The following LINGO2 variants were observed in gnomAD, a reference collection of about 807,000 sequenced individuals.
LINGO2 encodes leucine-rich repeat and immunoglobulin-like domain-containing nogo receptor-interacting protein 2.
In LINGO2, 14 loss-of-function variants were observed where a neutral mutation model predicts 30.6. The observed-to-expected ratio is 0.46, with a 90% CI of 0.30 to 0.72. The LOEUF is 0.72. LINGO2 is among the 30% of genes least tolerant of loss of function. LINGO2 has a pLI of 0.07. For synonymous variants in LINGO2, 317 were observed against 288.5 expected (o/e 1.10, Z -1.00); for missense variants, 729 against 751.7 (o/e 0.97, Z 0.35).
chr9:27,996,648 T>C (rs1478758058), intron 5 of LINGO2, among the ~76,000 whole-genome samples: 2 of 152,144 alleles, frequency 1.3e-5, no homozygotes, highest in African/African-American at 4.8e-5. Flanking sequence ...GGTTAGTTAA[T>C]GGGTAATACA....
chr9:28,279,243 G>A (rs1823236310), intron 4 of LINGO2, among the ~76,000 whole-genome samples: 1 of 152,154 alleles, frequency 6.6e-6, no homozygotes, highest in Non-Finnish European at 1.5e-5. Context: ...AATGACAACA[G>A]AAGATTTAGA....
chr9:28,613,175 T>G (rs909948666), intron 1 of LINGO2, among the ~76,000 whole-genome samples: 1 of 152,156 alleles, frequency 6.6e-6, no homozygotes, highest in Admixed American at 6.5e-5. Context: ...CTTTTCTTTA[T>G]AAATTACACA....
the LINGO2 span, among the ~76,000 whole-genome samples, chr9:29,172,020 T>C: frequency 6.6e-6 from 1 of 151,906 alleles, no homozygotes; most frequent in African/African-American, 2.4e-5. Context: ...CTGATTTCTT[T>C]AAAATTAATA....
At chr9:28,797,351 T>TAGAGAGAA in the LINGO2 span, among the ~76,000 whole-genome samples, 1 of 62,508 alleles carries the variant, frequency 1.6e-5, no homozygotes, top group Admixed American at 1.9e-4. Flanking sequence ...TATATATATA[T>TAGAGAGAA]ATATATATAG....
chr9:28,197,405 C>G (rs1489813734), intron 4 of LINGO2, among the ~76,000 whole-genome samples: 1 of 151,302 alleles, frequency 6.6e-6, no homozygotes, highest in African/African-American at 2.4e-5. Flanking sequence ...TTAAAACAAC[C>G]AGAAATAAAA....
intron 4 of LINGO2, among the ~76,000 whole-genome samples, chr9:28,019,319 G>GGT (rs111496420): frequency 1.4e-5 from 2 of 142,148 alleles, no homozygotes; most frequent in South Asian, 2.3e-4. Flanking sequence ...GGGAATATAT[G>GGT]TTTTTTTTTT....
intron 4 of LINGO2, among the ~76,000 whole-genome samples, chr9:28,204,804 G>A (rs1820355680): frequency 6.6e-6 from 1 of 152,094 alleles, no homozygotes; most frequent in Admixed American, 6.6e-5. Context: ...GGGATGGGTG[G>A]GCACTTGGTT....
At chr9:28,281,923 C>T (rs1015999318) in intron 4 of LINGO2, among the ~76,000 whole-genome samples, 14 of 152,108 alleles carry the variant, frequency 9.2e-5, no homozygotes, top group African/African-American at 3.4e-4. Flanking sequence ...TGTTTCCAAA[C>T]AGGAAACAAT....
chr9:28,100,424 A>T (rs1826378592), intron 4 of LINGO2, among the ~76,000 whole-genome samples: 1 of 152,152 alleles, frequency 6.6e-6, no homozygotes, highest in Non-Finnish European at 1.5e-5. Context: ...ATCAGAGTAA[A>T]ATGTAGTAAA....
chr9:28,025,277 C>A (rs1448927461), intron 4 of LINGO2, among the ~76,000 whole-genome samples: 1 of 152,188 alleles, frequency 6.6e-6, no homozygotes, highest in Non-Finnish European at 1.5e-5. Context: ...CAGGGGCCCT[C>A]AATTCCTGCA....
chr9:28,129,944 T>C lies in LINGO2; in HGVS notation c.-86-117539A>G, dbSNP rs530944794. Among the ~76,000 whole-genome samples the C allele has an allele frequency of 5.3e-5, 8 of 152,358 alleles. No homozygotes were observed. The highest frequency in any genetic ancestry group is 5.2e-4 in the Admixed American group (8 of 15,308). Reference sequence around the variant, plus strand: ...CGTGTTTTGAGCCAGAACATGTGAATCTTTGTGGTATAACAACTTATGTTC... The same window carrying C: ...CGTGTTTTGAGCCAGAACATGTGAACCTTTGTGGTATAACAACTTATGTTC... On this transcript the variant is annotated intron_variant, in intron 4 of 5. Coordinates refer to ENST00000379992, the Ensembl canonical transcript of LINGO2. This position sits in a 1 kb window ranked among gnomAD's most constrained non-coding sequence, Gnocchi z 4.0.
At chr9:28,579,613 T>TA (rs1587901922) in intron 1 of LINGO2, among the ~76,000 whole-genome samples, 1 of 152,220 alleles carries the variant, frequency 6.6e-6, no homozygotes, top group East Asian at 1.9e-4. Context: ...GCCACTGGCT[T>TA]AATATATTTT....
the LINGO2 span, among the ~76,000 whole-genome samples, chr9:28,866,624 T>C: frequency 6.6e-6 from 1 of 152,156 alleles, no homozygotes; most frequent in South Asian, 2.1e-4. Flanking sequence ...CTACACAATA[T>C]GGTACATTGC....
chr9:28,937,275 G>A, the LINGO2 span, among the ~76,000 whole-genome samples: 5 of 152,190 alleles, frequency 3.3e-5, no homozygotes, highest in East Asian at 3.9e-4. Flanking sequence ...CACATATCGC[G>A]TATGGTAAGA....
the LINGO2 span, among the ~76,000 whole-genome samples, chr9:29,205,851 T>A: frequency 6.6e-6 from 1 of 152,204 alleles, no homozygotes; most frequent in African/African-American, 2.4e-5. Context: ...ATAGTTCCAT[T>A]GTCCCAAAAG....
chr9:29,195,091 A>G, the LINGO2 span, among the ~76,000 whole-genome samples: 1 of 148,230 alleles, frequency 6.7e-6, no homozygotes, highest in African/African-American at 2.5e-5. Context: ...CAACTTAGTC[A>G]TATCAAAAAT....
chr9:28,892,865 AT>A, the LINGO2 span, among the ~76,000 whole-genome samples: 5 of 151,812 alleles, frequency 3.3e-5, no homozygotes, highest in Admixed American at 3.3e-4. Context: ...AACTTAAATT[AT>A]TTTTTTAGAA....
intron 2 of LINGO2, among the ~76,000 whole-genome samples, chr9:28,429,629 A>G (rs1246238899): frequency 6.6e-6 from 1 of 152,164 alleles, no homozygotes; most frequent in Admixed American, 6.5e-5. Flanking sequence ...TGACTCAAGG[A>G]ATCCTTTAGT....
chr9:29,203,874 T>C, the LINGO2 span, among the ~76,000 whole-genome samples: 1 of 152,242 alleles, frequency 6.6e-6, no homozygotes, highest in African/African-American at 2.4e-5. Flanking sequence ...TTGTGTATTA[T>C]ATATTGCTAT....
Sources: allele counts gnomAD v4.1 joint callset (sites outside exome capture counted in the v4.1 genomes callset), GRCh38; gene constraint gnomAD v4.1.1; non-coding constraint Gnocchi (gnomAD v3.1); transcripts MANE v1.5; gene names NCBI Gene and HGNC (gene_info 2026-07-23, HGNC 2026-07-21).